Variants in GDI2 observed in about 807,000 individuals in gnomAD.
The protein encoded by GDI2 is GDP dissociation inhibitor 2, also known as rab GDP dissociation inhibitor beta.
A neutral mutation model predicts 54.2 loss-of-function variants in GDI2; 22 were observed. That is an observed-to-expected ratio of 0.41 (90% confidence interval 0.29 to 0.58). The LOEUF is 0.58. Ranked by LOEUF, GDI2 falls within the 20% of genes least tolerant of loss-of-function variation. GDI2 has a pLI of 0.35. For synonymous variants in GDI2, 177 were observed against 182.1 expected (o/e 0.97, Z 0.23); for missense variants, 422 against 546.0 (o/e 0.77, Z 2.26).
intron 1 of GDI2, among the ~76,000 whole-genome samples, chr10:5,802,514 G>A (rs1415030828): frequency 6.6e-6 from 1 of 151,782 alleles, no homozygotes; most frequent in Non-Finnish European, 1.5e-5. Flanking sequence ...CAGGAGAATC[G>A]CTTGAACCAG....
chr10:5,770,704 G>A (rs763290529), intron 7 of GDI2, among the ~76,000 whole-genome samples: 2 of 151,542 alleles, frequency 1.3e-5, no homozygotes, highest in Non-Finnish European at 1.5e-5. Context: ...AGTGGCTGAC[G>A]CCTGTAATCC....
chr10:5,809,812 C>T lies in GDI2; in HGVS notation c.45+3402G>A, dbSNP rs80229787. ...AATTGCAGTGTATCACGCATGTGAA[C>T]ATCTACCAGTGGTCTTTAAAAACCA... On this transcript the variant is annotated intron_variant, in intron 1 of 10. Coordinates refer to ENST00000380191, the MANE Select transcript of GDI2 (RefSeq NM_001494.4). Among the ~76,000 whole-genome samples the T allele has an allele frequency of 7.9e-3, 1,209 of 152,280 alleles. 45 individuals are homozygous for T. The highest frequency in any genetic ancestry group is 0.046 in the East Asian group (241 of 5,184).
chr10:5,788,780 A>G (rs1432941681), intron 4 of GDI2, among the ~76,000 whole-genome samples: 1 of 138,330 alleles, frequency 7.2e-6, no homozygotes, highest in African/African-American at 2.6e-5. Context: ...TTTTTTTTTT[A>G]AAAGGAGTCT....
intron 6 of GDI2, among the ~76,000 whole-genome samples, chr10:5,778,864 G>A (rs149385456): frequency 4.0e-5 from 6 of 150,350 alleles, no homozygotes; most frequent in African/African-American, 9.7e-5. Context: ...AAGATGAACA[G>A]TCAATAAAAA....
At chr10:5,767,897 C>T (rs905474038) in intron 8 of GDI2, among the ~76,000 whole-genome samples, 27 of 152,102 alleles carry the variant, frequency 1.8e-4, no homozygotes, top group African/African-American at 5.8e-4. Context: ...AGAATATACT[C>T]GGGTCAGTTA....
intron 7 of GDI2, among the ~76,000 whole-genome samples, chr10:5,769,574 G>GA (rs549279365): frequency 0.11 from 9,554 of 83,524 alleles, 841 homozygotes; most frequent in East Asian, 0.5. Flanking sequence ...CGTCTCAAAA[G>GA]AAAAAAAAAA....
intron 4 of GDI2, among the ~76,000 whole-genome samples, chr10:5,789,480 G>A (rs1486480360): frequency 6.6e-6 from 1 of 151,926 alleles, no homozygotes; most frequent in Admixed American, 6.6e-5. Context: ...ACTATTCCCA[G>A]GTGTGAACAT....
intron 7 of GDI2, among the ~76,000 whole-genome samples, chr10:5,771,363 C>T (rs889722340): frequency 6.6e-6 from 1 of 152,222 alleles, no homozygotes; most frequent in Non-Finnish European, 1.5e-5. Context: ...AATTCAGCCA[C>T]GTCCAGCCCC....
chr10:5,771,062 A>G (rs953922739), intron 7 of GDI2, among the ~76,000 whole-genome samples: 26 of 151,890 alleles, frequency 1.7e-4, no homozygotes, highest in African/African-American at 6.0e-4. Context: ...AGTGTCTATA[A>G]TGTTTTAAAC....
chr10:5,795,034 T>C lies in GDI2; in HGVS notation c.254-15A>G, dbSNP rs769415189. On this transcript the variant is annotated splice_polypyrimidine_tract_variant and intron_variant, in intron 3 of 10. Coordinates refer to ENST00000380191, the MANE Select transcript of GDI2 (RefSeq NM_001494.4). ...AACCAGCTGACCTAGAAAAGTCACA[T>C]AATTCAAACTATAACTTAAGTCTAT... 9 of 1,504,302 alleles carry C rather than the reference T, an allele frequency of 6.0e-6. No homozygotes were observed. The highest frequency in any genetic ancestry group is 1.4e-5 in the African/African-American group (1 of 72,456). 93.2% of individuals were successfully genotyped at this position (1,504,302 alleles called of 1,614,324 possible).
At chr10:5,770,749 T>C (rs1840470202) in intron 7 of GDI2, among the ~76,000 whole-genome samples, 1 of 151,898 alleles carries the variant, frequency 6.6e-6, no homozygotes, top group Non-Finnish European at 1.5e-5. Context: ...GCAGATCACC[T>C]GAGGTCAGGA....
intron 4 of GDI2, among the ~76,000 whole-genome samples, chr10:5,794,403 A>G (rs1841102173): frequency 6.6e-6 from 1 of 151,710 alleles, no homozygotes; most frequent in South Asian, 2.1e-4. Flanking sequence ...CCACACTACC[A>G]GCATTTCACT....
chr10:5,766,425 G>C lies in GDI2; in HGVS notation c.1136+69C>G, dbSNP rs59100980. On this transcript the variant is annotated intron_variant, in intron 9 of 10. Coordinates refer to ENST00000380191, the MANE Select transcript of GDI2 (RefSeq NM_001494.4). This position sits in a 1 kb window ranked among gnomAD's most constrained non-coding sequence, Gnocchi z 5.8. ...AGCTACCTGCCTTGCCCTCACATTC[G>C]TCCCACCATGGAGCCACAATCAAAG... 3.2e-5 allele frequency: 50 copies of C among 1,569,896 alleles called. No individual in the cohort carries two copies. Among genetic ancestry groups the C allele is most frequent in the Non-Finnish European group, 5.3e-6 (6 of 1,140,916 alleles).
rs1840613969 is a variant in GDI2 at position 5,776,133 on chromosome 10, A to T, written c.720-2192T>A. 3.7e-6 allele frequency: 1 copy of T among 267,570 alleles called. No individual in the cohort carries two copies. The highest frequency in any genetic ancestry group is 1.0e-4 in the East Asian group (1 of 9,942). 16.6% of individuals were successfully genotyped at this position (267,570 alleles called of 1,614,324 possible). On this transcript the variant is annotated intron_variant, in intron 6 of 10. Transcript: ENST00000380191. The surrounding 1 kb of genome is among the most constrained non-coding windows in gnomAD (Gnocchi z 5.3). ...GACCATTTATCAGCAACTACAAAGA[A>T]GCTATTTCTTGTCACAAAAAGGCTG...
At chr10:5,772,620 G>A (rs535568876) in intron 7 of GDI2, among the ~76,000 whole-genome samples, 2 of 152,238 alleles carry the variant, frequency 1.3e-5, no homozygotes, top group South Asian at 4.1e-4. Flanking sequence ...AGCCAGGCAT[G>A]GTGGCATGCA....
intron 7 of GDI2, 26 bp downstream of exon 7, chr10:5,773,815 AT>A (rs750793380): frequency 1.5e-5 from 14 of 956,706 alleles, no homozygotes; most frequent in Admixed American, 1.9e-5. Context: ...GAACATAGTA[AT>A]TTTTTTCATT....
intron 1 of GDI2, among the ~76,000 whole-genome samples, chr10:5,801,863 T>C (rs973743454): frequency 3.3e-5 from 5 of 151,442 alleles, no homozygotes; most frequent in Non-Finnish European, 7.4e-5. Context: ...ACACAAAAAT[T>C]AGCAGGGCAT....
intron 1 of GDI2, among the ~76,000 whole-genome samples, chr10:5,807,812 T>C (rs1192479059): frequency 1.3e-5 from 2 of 152,150 alleles, no homozygotes; most frequent in African/African-American, 2.4e-5. Context: ...AAAAACAGAA[T>C]AACTCATTTG....
chr10:5,796,407 T>A (rs558569719), intron 3 of GDI2, among the ~76,000 whole-genome samples: 8 of 151,972 alleles, frequency 5.3e-5, no homozygotes, highest in Non-Finnish European at 1.0e-4. Flanking sequence ...ATGTGAAAAT[T>A]TTAAAACCCT....
Sources: gnomAD v4.1 joint callset for allele counts (sites outside exome capture counted in the v4.1 genomes callset) on GRCh38, gnomAD v4.1.1 for gene constraint, Gnocchi (gnomAD v3.1) non-coding constraint, MANE v1.5 for transcripts, NCBI Gene and HGNC (gene_info 2026-07-23, HGNC 2026-07-21) for gene names.